The following THSD7A variants were observed in gnomAD, a reference collection of about 807,000 sequenced individuals.
THSD7A encodes the protein thrombospondin type 1 domain containing 7A, also known as thrombospondin type-1 domain-containing protein 7A.
Under a neutral mutation model 231.3 loss-of-function variants are expected in THSD7A, and 96 were observed. That is an observed-to-expected ratio of 0.41 (90% CI 0.35 to 0.49). The LOEUF (loss-of-function observed/expected upper bound fraction) is 0.49, where lower values mean the gene tolerates loss of function less well. Among genes scored for constraint, THSD7A ranks in the 20% least tolerant of loss-of-function variants. The pLI, the probability that THSD7A is intolerant of heterozygous loss-of-function variation, is 0.05. For missense variants in THSD7A, 2,290 were observed against 2,070.2 expected (o/e 1.11, Z -2.06); for synonymous variants, 940 against 743.3 (o/e 1.26, Z -4.30).
chr7:11,454,130 T>C (rs1329269138), intron 11 of THSD7A, among the ~76,000 whole-genome samples: 3 of 152,162 alleles, frequency 2.0e-5, no homozygotes, highest in East Asian at 3.9e-4. Flanking sequence ...CCATACTTCA[T>C]GTTATTTGCA....
chr7:11,706,321 C>T (rs547636242), intron 1 of THSD7A, among the ~76,000 whole-genome samples: 2 of 150,950 alleles, frequency 1.3e-5, no homozygotes, highest in Non-Finnish European at 3.0e-5. Context: ...AAACTAAGTA[C>T]TATTTTCATT....
chr7:11,618,404 T>G (rs998771155), intron 2 of THSD7A, among the ~76,000 whole-genome samples: 2 of 152,200 alleles, frequency 1.3e-5, no homozygotes, highest in African/African-American at 4.8e-5. Flanking sequence ...TGTGTGTATG[T>G]GTAAAATCAG....
At chr7:11,621,606 T>G (rs1781313361) in intron 2 of THSD7A, among the ~76,000 whole-genome samples, 1 of 152,124 alleles carries the variant, frequency 6.6e-6, no homozygotes, top group Non-Finnish European at 1.5e-5. Flanking sequence ...GTCATAGAGT[T>G]CCTGTAGACA....
rs574909448 is a variant in THSD7A, at chr7:11,487,555, G to A, written c.1823-5573C>T. ...ATTTGTATTAGTCCATTTTCATGCTGCTAATCAAGATATACCCAAGACTGG... is the reference window on the plus strand; with the variant it reads ...ATTTGTATTAGTCCATTTTCATGCTACTAATCAAGATATACCCAAGACTGG... On this transcript the variant is annotated intron_variant, in intron 6 of 27. Coordinates refer to ENST00000423059, the MANE Select transcript of THSD7A (RefSeq NM_015204.3). Among the ~76,000 whole-genome samples, 11 of 152,130 alleles carry A rather than the reference G, an allele frequency of 7.2e-5. No homozygotes were observed. The South Asian group carries it at 2.3e-3, about 32-fold the overall frequency.
At chr7:11,643,597 A>T (rs1467868812) in intron 1 of THSD7A, among the ~76,000 whole-genome samples, 1 of 98,340 alleles carries the variant, frequency 1.0e-5, no homozygotes, top group Non-Finnish European at 1.8e-5. Context: ...CACCACACGC[A>T]CGCGCGCACA....
At chr7:11,774,455 G>T (rs1783334384) in intron 1 of THSD7A, among the ~76,000 whole-genome samples, 1 of 150,802 alleles carries the variant, frequency 6.6e-6, no homozygotes, top group Non-Finnish European at 1.5e-5. Context: ...TTAAAAATAT[G>T]TTAAGGGGTT....
In THSD7A at chr7:11,406,313, G is replaced by C. The variant is rs778204237; in HGVS notation, c.4224C>G (p.Ser1408Arg). ...NKNMVLEESC[S>R]QPCPGDCYLK... ...TGCCGTTGTTACCTGGGCAAGGCTG[G>C]CTGCAGGATTCCTCCAGAACCATAT... Residue 1408 changes from serine to arginine, a missense_variant, in exon 22 of 28, where the codon AGC becomes AGG. By Grantham distance (110) the Ser-to-Arg change is moderately radical. Transcript: ENST00000423059. This position sits in a 1 kb window ranked among gnomAD's most constrained non-coding sequence, Gnocchi z 4.7. 3.9e-5 allele frequency: 63 copies of C among 1,608,656 alleles called. No homozygotes were observed. In the South Asian group the frequency reaches 6.7e-4, roughly 17 times the overall value.
At chr7:11,581,223 T>G (rs753887385) in intron 4 of THSD7A, among the ~76,000 whole-genome samples, 3 of 152,098 alleles carry the variant, frequency 2.0e-5, no homozygotes, top group Non-Finnish European at 4.4e-5. Context: ...ATTACTACTT[T>G]TTAATAGTGG....
intron 1 of THSD7A, among the ~76,000 whole-genome samples, chr7:11,787,812 C>T (rs943251267): frequency 1.3e-5 from 2 of 152,088 alleles, no homozygotes; most frequent in East Asian, 1.9e-4. Flanking sequence ...GAATGCAATA[C>T]GGTACAGGCA....
At chr7:11,501,603 C>T (rs1198079031) in intron 6 of THSD7A, among the ~76,000 whole-genome samples, 1 of 152,094 alleles carries the variant, frequency 6.6e-6, no homozygotes, top group Non-Finnish European at 1.5e-5. Flanking sequence ...ATACAACATG[C>T]CAGAATCTCT....
chr7:11,471,944 C>T (rs1000111231), intron 8 of THSD7A, among the ~76,000 whole-genome samples: 1 of 152,088 alleles, frequency 6.6e-6, no homozygotes, highest in African/African-American at 2.4e-5. Context: ...TACTCAGTTG[C>T]ATGCTCCTCA....
At chr7:11,399,646 A>G (rs1001647785) in intron 23 of THSD7A, among the ~76,000 whole-genome samples, 3 of 152,220 alleles carry the variant, frequency 2.0e-5, no homozygotes, top group African/African-American at 7.2e-5. Flanking sequence ...GCGATCATTA[A>G]AAAGTCAGGA....
intron 4 of THSD7A, among the ~76,000 whole-genome samples, chr7:11,585,110 CT>C (rs1791342488): frequency 6.6e-6 from 1 of 152,174 alleles, no homozygotes; most frequent in African/African-American, 2.4e-5. Context: ...GTTTCTTTGC[CT>C]TTTTGGTTGA....
At chr7:11,653,447 T>A (rs1352512928) in intron 1 of THSD7A, among the ~76,000 whole-genome samples, 3 of 124,246 alleles carry the variant, frequency 2.4e-5, no homozygotes, top group Non-Finnish European at 5.1e-5. Context: ...CACTCCCAGA[T>A]ATGTGTGTGT....
Position 11,814,051 on chromosome 7 carries a change from T to C in THSD7A, c.190+17706A>G, listed in dbSNP as rs1169683832. Among the ~76,000 whole-genome samples, 1 of 152,154 alleles carries C rather than the reference T, an allele frequency of 6.6e-6. No homozygotes were observed. Among genetic ancestry groups the C allele is most frequent in the Non-Finnish European group, 1.5e-5 (1 of 68,036 alleles). ...AATAAAAGGTGCTAGTCACAAAAGA[T>C]CACGCAAGTTATGATGCCATTCATA... On this transcript the variant is annotated intron_variant, in intron 1 of 27. Coordinates refer to ENST00000423059, the MANE Select transcript of THSD7A (RefSeq NM_015204.3). The surrounding 1 kb of genome is among the most constrained non-coding windows in gnomAD (Gnocchi z 5.1).
At chr7:11,780,664 G>A (rs908266035) in intron 1 of THSD7A, among the ~76,000 whole-genome samples, 1 of 152,046 alleles carries the variant, frequency 6.6e-6, no homozygotes, top group African/African-American at 2.4e-5. Flanking sequence ...ATCACCCAGG[G>A]AAACCATTTC....
intron 23 of THSD7A, among the ~76,000 whole-genome samples, chr7:11,389,421 C>CTTTTTTTTTTTTTTTTT (rs57755425): frequency 5.3e-5 from 2 of 37,588 alleles, no homozygotes; most frequent in Admixed American, 8.3e-4. Context: ...GCAACTCCTG[C>CTTTTTTTTTTTTTTTTT]TTTTTTTTTT....
At position 11,634,581 on chromosome 7, in the gene THSD7A, A is replaced by G. The variant is rs929715460; in HGVS notation, c.1022+1549T>C. Among the ~76,000 whole-genome samples the G allele has an allele frequency of 2.4e-5, 3 of 125,438 alleles. No individual in the cohort carries two copies. The highest frequency in any genetic ancestry group is 9.5e-5 in the Admixed American group (1 of 10,492). 82.3% of individuals were successfully genotyped at this position (125,438 alleles called of 152,430 possible). A position where few individuals can be genotyped will look rare whatever the true frequency, so the allele number is the denominator to read the frequency against. ...ATTGAGTTGAAAATATACATGATAC[A>G]GAATCAGAGGTACACACACACACAC... On this transcript the variant is annotated intron_variant, in intron 2 of 27. Coordinates refer to ENST00000423059, the MANE Select transcript of THSD7A (RefSeq NM_015204.3). This position sits in a 1 kb window ranked among gnomAD's most constrained non-coding sequence, Gnocchi z 4.1.
At chr7:11,606,970 C>T (rs1780752108) in intron 2 of THSD7A, among the ~76,000 whole-genome samples, 1 of 151,708 alleles carries the variant, frequency 6.6e-6, no homozygotes, top group South Asian at 2.1e-4. Flanking sequence ...AACAAACCTG[C>T]ATGTTGTGCA....
Sources: allele counts gnomAD v4.1 joint callset (sites outside exome capture counted in the v4.1 genomes callset), GRCh38; gene constraint gnomAD v4.1.1; non-coding constraint Gnocchi (gnomAD v3.1); transcripts MANE v1.5; gene names NCBI Gene and HGNC (gene_info 2026-07-23, HGNC 2026-07-21).